MACF1: variants seen among roughly 807,000 people sequenced by gnomAD.
MACF1 encodes the protein microtubule-actin cross-linking factor 1.
In MACF1, 193 loss-of-function variants were observed where a neutral mutation model predicts 854.8. The ratio of observed to expected loss-of-function variants is 0.23; its 90% CI spans 0.20 to 0.25. MACF1 has a LOEUF of 0.25. Ranked by LOEUF, MACF1 falls within the 10% of genes least tolerant of loss-of-function variation. The probability of loss-of-function intolerance (pLI) is 1.00; values close to 1 mark genes in which losing one functional copy is unlikely to be tolerated. For synonymous variants in MACF1, 3,185 were observed against 3,226.7 expected (o/e 0.99, Z 0.44); for missense variants, 7,722 against 8,929.1 (o/e 0.86, Z 5.45).
In MACF1 at chr1:39,385,632, G is replaced by A; in HGVS notation, c.14047G>A (p.Val4683Ile). ...SRSSQIDQAI[V>I]KSTQYQELLQ... The stretch of plus-strand genomic sequence containing the variant: ...TTCCAGCCAAATTGACCAAGCTATT[G>A]TTAAGAGCACCCAGTACCAGGAACT... The change falls in exon 57 of 101, where the codon GTT becomes ATT. Residue 4683 changes from valine to isoleucine, a missense_variant. Around this residue, in one of 15 missense-constraint regions of MACF1, gnomAD observed 2,807 missense variants for 3,235.8 expected, o/e 0.87. Transcript: ENST00000564288. 6.2e-7 allele frequency: 1 copy of A among 1,614,122 alleles called. No individual in the cohort carries two copies. Among genetic ancestry groups the A allele is most frequent in the Non-Finnish European group, 8.5e-7 (1 of 1,180,020 alleles).
intron 2 of MACF1, among the ~76,000 whole-genome samples, chr1:39,143,163 C>T (rs1334732872): frequency 6.6e-6 from 1 of 152,082 alleles, no homozygotes; most frequent in African/African-American, 2.4e-5. Context: ...GTCAACTAAC[C>T]CTTGAATTTT....
At chr1:39,245,685 C>T (rs1011176168) in intron 2 of MACF1, among the ~76,000 whole-genome samples, 3 of 152,132 alleles carry the variant, frequency 2.0e-5, no homozygotes, top group Non-Finnish European at 4.4e-5. Context: ...CCCAGGAGTT[C>T]GAGACTAGCC....
intron 2 of MACF1, among the ~76,000 whole-genome samples, chr1:39,154,947 C>A (rs626520): frequency 0.035 from 5,389 of 152,258 alleles, 254 homozygotes; most frequent in African/African-American, 0.11. Context: ...GATCCTAAGT[C>A]TTTCACGTTT....
chr1:39,419,844 T>TGTG (rs1643468457), intron 58 of MACF1, among the ~76,000 whole-genome samples: 1 of 151,016 alleles, frequency 6.6e-6, no homozygotes, highest in Non-Finnish European at 1.5e-5. Flanking sequence ...TGTGTGTGTA[T>TGTG]TTTTAGTAGA....
At chr1:39,372,748 G>T in intron 52 of MACF1, 152 bp downstream of exon 52, 1 of 625,754 alleles carries the variant, frequency 1.6e-6, no homozygotes, top group Non-Finnish European at 2.9e-6. Flanking sequence ...AACCTGACCT[G>T]TCACCCCTTT....
chr1:39,441,001 A>G lies in MACF1; in HGVS notation c.18448-2A>G, dbSNP rs1182821698. ...GCTTATATTCTATTCGTTTACATGT[A>G]GACTATTAAGGAAGAGACAGATGGT... On this transcript the variant is annotated splice_acceptor_variant, in intron 72 of 100. Transcript: ENST00000564288. LOFTEE classifies it high-confidence loss of function. The G allele has an allele frequency of 6.2e-7, 1 of 1,614,138 alleles. No individual in the cohort carries two copies. The highest frequency in any genetic ancestry group is 1.1e-5 in the South Asian group (1 of 91,082).
intron 6 of MACF1, among the ~76,000 whole-genome samples, chr1:39,273,606 T>C (rs964974799): frequency 3.9e-5 from 6 of 152,090 alleles, no homozygotes; most frequent in Non-Finnish European, 2.9e-5. Context: ...TGTTTCTTTT[T>C]CTTTTTTTTT....
intron 51 of MACF1, among the ~76,000 whole-genome samples, chr1:39,372,021 G>T (rs1399833742): frequency 6.6e-6 from 1 of 151,794 alleles, no homozygotes; most frequent in Non-Finnish European, 1.5e-5. Context: ...GTTTCACCAT[G>T]TCGGCCAGTC....
chr1:39,361,928 A>C (rs1458386357), intron 49 of MACF1, among the ~76,000 whole-genome samples: 1 of 152,178 alleles, frequency 6.6e-6, no homozygotes. Flanking sequence ...CATCATAGTC[A>C]CTCAAGGGAT....
In MACF1 at chr1:39,332,149, C is replaced by T. The variant is rs772771613; in HGVS notation, c.5561C>T (p.Pro1854Leu). The T allele has an allele frequency of 1.7e-5, 27 of 1,613,896 alleles. No homozygotes were observed. In the East Asian group the frequency reaches 5.3e-4, roughly 32 times the overall value. The change falls in exon 37 of 101, where the codon CCT becomes CTT. Residue 1854 changes from proline to leucine, a missense_variant. Transcript: ENST00000564288. ...SLWSFMGLLWPESGEILPITD... is the reference protein window; with the variant it reads ...SLWSFMGLLWLESGEILPITD... ...TGGTCATTCATGGGGTTGCTGTGGC[C>T]TGAATCTGGAGAGATCCTCCCAATT...
intron 2 of MACF1, among the ~76,000 whole-genome samples, chr1:39,128,831 A>G (rs1018084609): frequency 1.3e-5 from 2 of 152,210 alleles, no homozygotes; most frequent in Non-Finnish European, 2.9e-5. Flanking sequence ...AAGCTAACCC[A>G]TGATAACTCA....
chr1:39,188,194 T>G (rs1261643462), intron 2 of MACF1, among the ~76,000 whole-genome samples: 1 of 152,012 alleles, frequency 6.6e-6, no homozygotes, highest in Non-Finnish European at 1.5e-5. Flanking sequence ...TCCCAGCACT[T>G]TGGGAGGCCG....
Position 39,358,626 on chromosome 1 carries a change from C to T in MACF1, c.11944-71C>T, listed in dbSNP as rs1647803602. 4.0e-6 allele frequency: 6 copies of T among 1,484,734 alleles called. No homozygotes were observed. In the East Asian group the frequency reaches 1.4e-4, roughly 34 times the overall value. The allele number at this position is 1,484,734 out of a possible 1,614,324, so 92.0% of individuals were successfully genotyped here. The stretch of plus-strand genomic sequence containing the variant: ...AGTTGTCTGTAACAAAGCCAGGCCT[C>T]TTTCTTTGGGCAGCTGCTGCCTTTG... On this transcript the variant is annotated intron_variant, in intron 45 of 100. Coordinates refer to ENST00000564288, the MANE Select transcript of MACF1 (RefSeq NM_001394062.1).
chr1:39,296,745 A>AG lies in MACF1; in HGVS notation c.2355+864dup, dbSNP rs1337417919. ...TGTCTAAATAAAAAGAAAGAAAGAAAGAAAGAAAGGAAGGAAGGAAGGAAG... is the reference window on the plus strand; with the variant it reads ...TGTCTAAATAAAAAGAAAGAAAGAAAGGAAAGAAAGGAAGGAAGGAAGGAAG... On this transcript the variant is annotated intron_variant, in intron 20 of 100. Coordinates refer to ENST00000564288, the MANE Select transcript of MACF1 (RefSeq NM_001394062.1). 5.2e-4 allele frequency among the ~76,000 whole-genome samples: 35 copies of AG among 66,706 alleles called. 2 individuals are homozygous for AG. Among genetic ancestry groups the AG allele is most frequent in the Admixed American group, 1.8e-3 (10 of 5,704 alleles). 43.8% of individuals were successfully genotyped at this position (66,706 alleles called of 152,430 possible). A position where few individuals can be genotyped will look rare whatever the true frequency, so the allele number is the denominator to read the frequency against.
In MACF1 at chr1:39,335,307, A is replaced by G. The variant is rs1342473537; in HGVS notation, c.8719A>G (p.Asn2907Asp). The G allele has an allele frequency of 1.2e-6, 2 of 1,614,146 alleles. No individual in the cohort carries two copies. The highest frequency in any genetic ancestry group is 1.1e-5 in the South Asian group (1 of 91,066). Residue 2907 changes from asparagine (N) to aspartate (D), a missense_variant, in exon 37 of 101, where the codon AAT becomes GAT. Transcript: ENST00000564288. ...VARNNMGNDT[N>D]EEQEKAVTKI... ...TAGAAATAACATGGGAAATGATACA[A>G]ATGAAGAGCAGGAAAAAGCAGTGAC...
rs1014888557 is a variant in MACF1 at position 39,434,634 on chromosome 1, T to A, written c.17784+2T>A. On this transcript the variant is annotated splice_donor_variant, in intron 69 of 100. Transcript: ENST00000564288. LOFTEE classifies it high-confidence loss of function. The stretch of plus-strand genomic sequence containing the variant: ...AGGCAGCAACAAGAGGAAATGAGGG[T>A]AAGGAGCATGCCAAGTTTCATTTTA... 6.2e-7 allele frequency: 1 copy of A among 1,612,956 alleles called. No individual in the cohort carries two copies. Among genetic ancestry groups the A allele is most frequent in the Non-Finnish European group, 8.5e-7 (1 of 1,179,246 alleles).
chr1:39,465,004 T>A, intron 94 of MACF1, 91 bp from the exon 95 acceptor site: 2 of 1,117,372 alleles, frequency 1.8e-6, no homozygotes, highest in Non-Finnish European at 2.7e-6. Context: ...AATGTAATGA[T>A]ATGATTTTCA....
intron 2 of MACF1, among the ~76,000 whole-genome samples, chr1:39,119,152 G>A (rs1347975357): frequency 6.6e-6 from 1 of 151,876 alleles, no homozygotes; most frequent in Non-Finnish European, 1.5e-5. Context: ...AACCCCGTCT[G>A]TACTAAAAAT....
At position 39,331,858 on chromosome 1, in the gene MACF1, T is replaced by C; in HGVS notation, c.5270T>C (p.Ile1757Thr). Residue 1757 changes from isoleucine to threonine, a missense_variant, in exon 37 of 101, where the codon ATA (isoleucine) becomes ACA (threonine). Ile to Thr is a moderately conservative substitution (Grantham distance 89). Transcript: ENST00000564288. ...TTCCGTGCAGTTCAGGAAGGGCTAA[T>C]AGATAGGCAGGTCACTGTCCGGTTG... ...SIFRAVQEGL[I>T]DRQVTVRLLE... 1 of 1,614,134 alleles carries C rather than the reference T, an allele frequency of 6.2e-7. No homozygotes were observed. The highest frequency in any genetic ancestry group is 8.5e-7 in the Non-Finnish European group (1 of 1,180,010).
Sources: allele counts gnomAD v4.1 joint callset (sites outside exome capture counted in the v4.1 genomes callset), GRCh38; gene constraint gnomAD v4.1.1; regional missense constraint gnomAD v4.1.1; transcripts MANE v1.5; gene names NCBI Gene and HGNC (gene_info 2026-07-23, HGNC 2026-07-21).